CCNG2: variants seen among roughly 807,000 people sequenced by gnomAD.
CCNG2 encodes the protein cyclin-G2.
A neutral mutation model predicts 36.5 loss-of-function variants in CCNG2; 20 were observed. That is an observed-to-expected ratio of 0.55 (90% confidence interval 0.39 to 0.80). CCNG2 has a LOEUF of 0.80. CCNG2 is among the 30% of genes least tolerant of loss of function. The pLI, the probability that CCNG2 is intolerant of heterozygous loss-of-function variation, is 0.00. For missense variants in CCNG2, 358 were observed against 390.8 expected, an observed-to-expected ratio of 0.92 and a Z score of 0.71; for synonymous variants, 155 against 140.1, an observed-to-expected ratio of 1.11 and a Z score of -0.75.
In CCNG2 at chr4:77,169,090, AATAC is replaced by A. The variant is rs1338726597; in HGVS notation, c.*3171_*3174del. The A allele has an allele frequency of 6.6e-6, 1 of 152,192 alleles. No homozygotes were observed. Among genetic ancestry groups the A allele is most frequent in the Non-Finnish European group, 1.5e-5 (1 of 68,034 alleles). 9.4% of individuals were successfully genotyped at this position (152,192 alleles called of 1,614,324 possible). A position where few individuals can be genotyped will look rare whatever the true frequency, so the allele number is the denominator to read the frequency against. On this transcript the variant is annotated 3_prime_UTR_variant, in exon 8 of 8. Coordinates refer to ENST00000316355, the MANE Select transcript of CCNG2 (RefSeq NM_004354.3). ...TTAATTACCTGTCACACTCAGGATTAATACATACTCAGGTTAACTGTAGAGAGGC... is the reference window on the plus strand; with the variant it reads ...TTAATTACCTGTCACACTCAGGATTAATACTCAGGTTAACTGTAGAGAGGC...
At chr4:77,160,603 A>T in intron 3 of CCNG2, 118 bp from the exon 4 acceptor site, 1 of 1,011,686 alleles carries the variant, frequency 9.9e-7, no homozygotes, top group Non-Finnish European at 1.5e-6. Context: ...GCCAGTACAT[A>T]TAAGAGAAAC....
chr4:77,167,054 A>C lies in CCNG2; in HGVS notation c.*1130A>C, dbSNP rs1731649993. The C allele has an allele frequency of 6.6e-6, 1 of 152,232 alleles. No homozygotes were observed. Among genetic ancestry groups the C allele is most frequent in the Admixed American group, 6.5e-5 (1 of 15,282 alleles). The allele number at this position is 152,232 out of a possible 1,614,324, so 9.4% of individuals were successfully genotyped here. A position where few individuals can be genotyped will look rare whatever the true frequency, so the allele number is the denominator to read the frequency against. On this transcript the variant is annotated 3_prime_UTR_variant, in exon 8 of 8. Transcript: ENST00000316355. ...TTGTGTGTGATAGTCTAGTCATTGC[A>C]TGTAAATATAATTTATTATGTATTC...
chr4:77,158,679 G>A lies in CCNG2; in HGVS notation c.138+9G>A. Reference sequence around the variant, plus strand: ...TTGAGGCTACCCCGGAGGTAAGTTGGCAGAAAAGATAACTTGCTCAAGCAG... The same window carrying A: ...TTGAGGCTACCCCGGAGGTAAGTTGACAGAAAAGATAACTTGCTCAAGCAG... On this transcript the variant is annotated intron_variant, in intron 2 of 7. Transcript: ENST00000316355. 6.2e-7 allele frequency: 1 copy of A among 1,613,742 alleles called. No homozygotes were observed. The highest frequency in any genetic ancestry group is 1.1e-5 in the South Asian group (1 of 91,070).
chr4:77,158,234 A>T, intron 1 of CCNG2: 1 of 375,714 alleles, frequency 2.7e-6, no homozygotes, highest in Non-Finnish European at 4.9e-6. Context: ...GGGCAGACCG[A>T]GGGGACGCCG....
chr4:77,159,166 G>C (rs4150056), intron 2 of CCNG2, among the ~76,000 whole-genome samples: 1,845 of 152,326 alleles, frequency 0.012, 35 homozygotes, highest in African/African-American at 0.042. Flanking sequence ...TTTTTAAGAA[G>C]CAGTGATTTA....
chr4:77,160,359 CT>C (rs11353018), intron 3 of CCNG2, among the ~76,000 whole-genome samples: 91,868 of 142,818 alleles, frequency 0.64, 30,045 homozygotes, highest in African/African-American at 0.83. Flanking sequence ...GTTCAAAAAA[CT>C]TTTTTTTTTT....
Position 77,161,620 on chromosome 4 carries a change from A to G in CCNG2, c.607-29A>G, listed in dbSNP as rs765144954. On this transcript the variant is annotated intron_variant, in intron 5 of 7. Transcript: ENST00000316355. ...TTTGTATTTTGAATTTTTAAAAAAT[A>G]TTTTTCTTTTTTTTCTTTTTTCTTA... 1.9e-6 allele frequency: 3 copies of G among 1,568,388 alleles called. No individual in the cohort carries two copies. In the South Asian group the frequency reaches 3.6e-5, roughly 19 times the overall value.
chr4:77,163,472 G>A (rs1397665958), intron 6 of CCNG2, among the ~76,000 whole-genome samples: 1 of 152,154 alleles, frequency 6.6e-6, no homozygotes, highest in Non-Finnish European at 1.5e-5. Context: ...AGGTGAAAAT[G>A]GGAAGCCAAG....
intron 6 of CCNG2, among the ~76,000 whole-genome samples, chr4:77,162,624 C>T (rs1295770289): frequency 6.6e-6 from 1 of 151,906 alleles, no homozygotes; most frequent in Admixed American, 6.6e-5. Flanking sequence ...TTCAAGTGAT[C>T]CCACCTGCCT....
At chr4:77,163,514 T>C (rs745798836) in intron 6 of CCNG2, among the ~76,000 whole-genome samples, 12 of 152,364 alleles carry the variant, frequency 7.9e-5, no homozygotes, top group Non-Finnish European at 1.2e-4. Flanking sequence ...GGTGAAAATA[T>C]GTGCATGTGA....
At chr4:77,161,162 G>T (rs1166976353) in intron 4 of CCNG2, among the ~76,000 whole-genome samples, 191 bp downstream of exon 4, 1 of 141,468 alleles carries the variant, frequency 7.1e-6, no homozygotes, top group Non-Finnish European at 1.5e-5. Flanking sequence ...GAGTGCAATG[G>T]CGTGATCTCG....
Position 77,159,549 on chromosome 4 carries a change from A to G in CCNG2, c.276+45A>G, listed in dbSNP as rs556267074. The G allele has an allele frequency of 1.3e-5, 21 of 1,585,280 alleles. No homozygotes were observed. In the East Asian group the frequency reaches 4.7e-4, roughly 36 times the overall value. On this transcript the variant is annotated intron_variant, in intron 3 of 7. Coordinates refer to ENST00000316355, the MANE Select transcript of CCNG2 (RefSeq NM_004354.3). ...AATATGTCTTCCTTTTTCTATGCCC[A>G]GTGCCTAGCACACAGGGTTCAAGAA... is the stretch of plus-strand genomic sequence containing the variant.
rs146002494 is a variant in CCNG2, at chr4:77,163,976, C to T, written c.706-298C>T. ...TAGGTCAGTGTTTTCTTAGAATAGG[C>T]AAAGCTTTCTGTGTATTGAATCCTA... On this transcript the variant is annotated intron_variant, in intron 6 of 7. Transcript: ENST00000316355. Among the ~76,000 whole-genome samples the T allele has an allele frequency of 4.6e-3, 707 of 152,292 alleles. 5 individuals are homozygous for T. Among genetic ancestry groups the T allele is most frequent in the African/African-American group, 0.016 (685 of 41,562 alleles).
intron 1 of CCNG2, chr4:77,158,323 C>T (rs1731327899): frequency 1.8e-6 from 1 of 566,850 alleles, no homozygotes; most frequent in African/African-American, 1.9e-5. Flanking sequence ...GGCCGGCGGA[C>T]CTGACCACGG....
chr4:77,169,242 C>CA lies in CCNG2; in HGVS notation c.*3318_*3319insA, dbSNP rs1296629238. The CA allele has an allele frequency of 6.6e-6, 1 of 152,158 alleles. No individual in the cohort carries two copies. Among genetic ancestry groups the CA allele is most frequent in the African/African-American group, 2.4e-5 (1 of 41,420 alleles). The allele number at this position is 152,158 out of a possible 1,614,324, so 9.4% of individuals were successfully genotyped here. ...TTTCAATATGGTGTTCCTGCTACCT[C>CA]CCACCTCCCTCCTCCCTCATCACAC... On this transcript the variant is annotated 3_prime_UTR_variant, in exon 8 of 8. Transcript: ENST00000316355.
chr4:77,161,246 G>A (rs1731428418), intron 4 of CCNG2, among the ~76,000 whole-genome samples: 1 of 151,956 alleles, frequency 6.6e-6, no homozygotes, highest in Admixed American at 6.6e-5. Flanking sequence ...GGGATTACAG[G>A]CGTGCGCCAC....
In CCNG2 at chr4:77,164,299, GGA is replaced by G; in HGVS notation, c.737_738del (p.Glu246ValfsTer4). 1 of 1,613,608 alleles carries G rather than the reference GGA, an allele frequency of 6.2e-7. No homozygotes were observed. Among genetic ancestry groups the G allele is most frequent in the Non-Finnish European group, 8.5e-7 (1 of 1,179,670 alleles). On this transcript the variant is annotated frameshift_variant, in exon 7 of 8. Coordinates refer to ENST00000316355, the MANE Select transcript of CCNG2 (RefSeq NM_004354.3). LOFTEE classifies it high-confidence loss of function. ...ATTAATGACACTGAGTTCTTCTACT[GGA>G]GAGAGTTGGTTTCTAAATGCCTAGC... is the stretch of plus-strand genomic sequence containing the variant.
rs181000330 is a variant in CCNG2, at chr4:77,159,611, A to C, written c.276+107A>C. 1.1e-3 allele frequency: 1,080 copies of C among 963,936 alleles called. 7 individuals are homozygous for C. In the African/African-American group the frequency reaches 0.016, roughly 15 times the overall value. 59.7% of individuals were successfully genotyped at this position (963,936 alleles called of 1,614,324 possible). On this transcript the variant is annotated intron_variant, in intron 3 of 7. Coordinates refer to ENST00000316355, the MANE Select transcript of CCNG2 (RefSeq NM_004354.3). Reference sequence around the variant, plus strand: ...ATGGGTATAATAACGTCCACTGTACATAAAAATTTATAATCAGAATTGTGA... The same window carrying C: ...ATGGGTATAATAACGTCCACTGTACCTAAAAATTTATAATCAGAATTGTGA...
At chr4:77,162,787 C>T (rs948858718) in intron 6 of CCNG2, among the ~76,000 whole-genome samples, 7 of 151,820 alleles carry the variant, frequency 4.6e-5, no homozygotes, top group African/African-American at 1.5e-4. Flanking sequence ...AAAGTTTCAG[C>T]GAAGGCTTAA....
Sources: allele counts gnomAD v4.1 joint callset (sites outside exome capture counted in the v4.1 genomes callset), GRCh38; gene constraint gnomAD v4.1.1; transcripts MANE v1.5; gene names NCBI Gene and HGNC (gene_info 2026-07-23, HGNC 2026-07-21).